ZNF592: variants seen among roughly 807,000 people sequenced by gnomAD.
The protein encoded by ZNF592 is zinc finger protein 592.
ZNF592 carries 11 observed loss-of-function variants against 80.3 expected under a neutral mutation model. The observed-to-expected ratio is 0.14, with a 90% confidence interval of 0.09 to 0.23. The LOEUF (loss-of-function observed/expected upper bound fraction) is 0.23, where lower values mean the gene tolerates loss of function less well. ZNF592 is among the 10% of genes least tolerant of loss of function. The pLI, the probability that ZNF592 is intolerant of heterozygous loss-of-function variation, is 1.00. For synonymous variants in ZNF592, 646 were observed against 640.3 expected (o/e 1.01, Z -0.13); for missense variants, 1,420 against 1,633.9 (o/e 0.87, Z 2.26).
At chr15:84,777,217 C>T (rs1484217774) in intron 2 of ZNF592, among the ~76,000 whole-genome samples, 2 of 151,808 alleles carry the variant, frequency 1.3e-5, no homozygotes, top group Non-Finnish European at 2.9e-5. Context: ...TTGCTCACGC[C>T]TGTAATCCCA....
intron 10 of ZNF592, among the ~76,000 whole-genome samples, chr15:84,801,337 A>G (rs1963090621): frequency 2.0e-5 from 3 of 152,078 alleles, no homozygotes; most frequent in Non-Finnish European, 4.4e-5. Flanking sequence ...ATGAAATGAA[A>G]TAAAATAAAA....
chr15:84,793,296 C>CA (rs1325113175), intron 5 of ZNF592, among the ~76,000 whole-genome samples: 6 of 152,114 alleles, frequency 3.9e-5, no homozygotes, highest in Admixed American at 3.3e-4. Flanking sequence ...AGGCTGGTCT[C>CA]AAACTCCTGA....
intron 2 of ZNF592, among the ~76,000 whole-genome samples, chr15:84,766,827 T>C (rs1193860710): frequency 1.3e-5 from 2 of 151,872 alleles, no homozygotes. Context: ...TGTGGTGATC[T>C]AAGGCAACCA....
At chr15:84,754,704 T>TAA (rs58930648) in intron 1 of ZNF592, among the ~76,000 whole-genome samples, 5 of 133,690 alleles carry the variant, frequency 3.7e-5, no homozygotes, top group Admixed American at 7.6e-5. Context: ...CCCCGTCTCT[T>TAA]AAAAAAAAAA....
chr15:84,802,043 A>C lies in ZNF592; in HGVS notation c.3454A>C (p.Thr1152Pro). 2 of 1,613,866 alleles carry C rather than the reference A, an allele frequency of 1.2e-6. No homozygotes were observed. Among genetic ancestry groups the C allele is most frequent in the Non-Finnish European group, 1.7e-6 (2 of 1,179,854 alleles). Residue 1152 changes from threonine (T) to proline (P), a missense_variant, in exon 11 of 11, where the codon ACA becomes CCA. Thr to Pro is a conservative substitution (Grantham distance 38). Coordinates refer to ENST00000560079, the MANE Select transcript of ZNF592 (RefSeq NM_014630.3). ...ACCTCAGCACCAGGTGGACAGCTCC[A>C]CAGCCCAATGTCTCCTCTGTGGTTT... ...HIPQHQVDSS[T>P]AQCLLCGLCY...
chr15:84,762,484 G>A (rs1394843422), intron 1 of ZNF592, among the ~76,000 whole-genome samples: 1 of 152,206 alleles, frequency 6.6e-6, no homozygotes, highest in Non-Finnish European at 1.5e-5. Context: ...AGGCTGGGGA[G>A]GGTTTAAGGA....
rs10667788 is a variant in ZNF592, at chr15:84,766,706, AGTGTGTGT to A, written c.-150+1918_-150+1925del. Among the ~76,000 whole-genome samples the A allele has an allele frequency of 8.6e-5, 12 of 140,248 alleles. No individual in the cohort carries two copies. In the East Asian group the frequency reaches 1.5e-3, roughly 18 times the overall value. 92.0% of individuals were successfully genotyped at this position (140,248 alleles called of 152,430 possible). A position where few individuals can be genotyped will look rare whatever the true frequency, so the allele number is the denominator to read the frequency against. ...AATAGAGGGAGAGAGGATGAGAAAG[AGTGTGTGT>A]GTGTGTGTGTGTGTGTGTGTGTGTG... On this transcript the variant is annotated intron_variant, in intron 2 of 10. Coordinates refer to ENST00000560079, the MANE Select transcript of ZNF592 (RefSeq NM_014630.3).
At chr15:84,762,073 T>C (rs1227723279) in intron 1 of ZNF592, among the ~76,000 whole-genome samples, 2 of 152,222 alleles carry the variant, frequency 1.3e-5, no homozygotes, top group African/African-American at 2.4e-5. Context: ...GTATGAGTCA[T>C]ATTTTGAGAT....
Position 84,778,212 on chromosome 15 carries a change from G to T in ZNF592, c.-120G>T. The T allele has an allele frequency of 5.7e-6, 1 of 174,622 alleles. No homozygotes were observed. Among genetic ancestry groups the T allele is most frequent in the Non-Finnish European group, 1.2e-5 (1 of 82,018 alleles). The allele number at this position is 174,622 out of a possible 1,614,324, so 10.8% of individuals were successfully genotyped here. A position where few individuals can be genotyped will look rare whatever the true frequency, so the allele number is the denominator to read the frequency against. ...GGAGAGTTTAATAGGCAAGAAGGAA[G>T]GGAGAAGACAGAAGGAAGACGCTCC... is the stretch of plus-strand genomic sequence containing the variant. On this transcript the variant is annotated 5_prime_UTR_variant, in exon 3 of 11. In the 5' UTR this introduces an upstream ATG that the reference lacks. Transcript: ENST00000560079.
intron 1 of ZNF592, among the ~76,000 whole-genome samples, chr15:84,761,169 T>C (rs1467715677): frequency 6.6e-6 from 1 of 152,126 alleles, no homozygotes; most frequent in Non-Finnish European, 1.5e-5. Context: ...TTTCGCCATG[T>C]TGGCCAGGCC....
intron 2 of ZNF592, among the ~76,000 whole-genome samples, 190 bp from the exon 3 acceptor site, chr15:84,777,993 C>T (rs1003868309): frequency 3.9e-5 from 6 of 152,062 alleles, no homozygotes; most frequent in Non-Finnish European, 7.4e-5. Context: ...CCACCGTGCC[C>T]GGCCTAGATA....
chr15:84,774,510 C>G (rs1180377485), intron 2 of ZNF592, among the ~76,000 whole-genome samples: 1 of 152,212 alleles, frequency 6.6e-6, no homozygotes, highest in East Asian at 1.9e-4. Flanking sequence ...AACCACCATT[C>G]TAGGTAATTT....
chr15:84,787,122 G>A (rs534838191), intron 4 of ZNF592, among the ~76,000 whole-genome samples: 20 of 152,222 alleles, frequency 1.3e-4, no homozygotes, highest in African/African-American at 4.6e-4. Flanking sequence ...AAAGTGCTGG[G>A]ATTACAGGCA....
rs1442081218 is a variant in ZNF592, at chr15:84,803,458, G to A, written c.*1065G>A. On this transcript the variant is annotated 3_prime_UTR_variant, in exon 11 of 11. Coordinates refer to ENST00000560079, the MANE Select transcript of ZNF592 (RefSeq NM_014630.3). ...TCTAGATTCTGGAGCTTGTGGTTAG[G>A]AAACCGGGAGCCCTGTACTACTTAG... The A allele has an allele frequency of 6.6e-6, 1 of 152,500 alleles. No homozygotes were observed. The highest frequency in any genetic ancestry group is 1.5e-5 in the Non-Finnish European group (1 of 68,036). 9.4% of individuals were successfully genotyped at this position (152,500 alleles called of 1,614,324 possible).
intron 1 of ZNF592, among the ~76,000 whole-genome samples, chr15:84,752,445 G>A (rs1323293263): frequency 6.6e-6 from 1 of 152,206 alleles, no homozygotes; most frequent in Non-Finnish European, 1.5e-5. Context: ...CAGGGAGGAG[G>A]TGACTTTTGA....
At position 84,805,946 on chromosome 15, in the gene ZNF592, AT is replaced by A. The variant is rs934521222; in HGVS notation, c.*3558del. 17 of 152,590 alleles carry A rather than the reference AT, an allele frequency of 1.1e-4. No homozygotes were observed. Among genetic ancestry groups the A allele is most frequent in the Non-Finnish European group, 2.4e-4 (16 of 68,032 alleles). The allele number at this position is 152,590 out of a possible 1,614,324, so 9.5% of individuals were successfully genotyped here. ...TATAAATATGTATATTTATATATCTATTTTTAATACAAATAGTAGAATTCTA... is the reference window on the plus strand; with the variant it reads ...TATAAATATGTATATTTATATATCTATTTTAATACAAATAGTAGAATTCTA... On this transcript the variant is annotated 3_prime_UTR_variant, in exon 11 of 11. Transcript: ENST00000560079.
At position 84,798,068 on chromosome 15, in the gene ZNF592, C is replaced by T. The variant is rs751903318; in HGVS notation, c.2576+23C>T. On this transcript the variant is annotated intron_variant, in intron 6 of 10. Coordinates refer to ENST00000560079, the MANE Select transcript of ZNF592 (RefSeq NM_014630.3). The surrounding 1 kb of genome is among the most constrained non-coding windows in gnomAD (Gnocchi z 4.5). ...CCAGTGAGTGCAGCTCCAGGGCCAGCAGGCCCTGTGGAGCAGAGAGGAGTA... is the reference window on the plus strand; with the variant it reads ...CCAGTGAGTGCAGCTCCAGGGCCAGTAGGCCCTGTGGAGCAGAGAGGAGTA... 3.7e-6 allele frequency: 6 copies of T among 1,612,616 alleles called. No individual in the cohort carries two copies. The highest frequency in any genetic ancestry group is 4.5e-5 in the East Asian group (2 of 44,890).
intron 2 of ZNF592, among the ~76,000 whole-genome samples, chr15:84,767,426 C>G (rs1441815506): frequency 6.6e-6 from 1 of 152,082 alleles, no homozygotes; most frequent in African/African-American, 2.4e-5. Context: ...TCCCCACTAC[C>G]AAGAGATGAT....
intron 2 of ZNF592, among the ~76,000 whole-genome samples, chr15:84,775,735 A>G (rs74717542): frequency 2.4e-4 from 36 of 152,080 alleles, no homozygotes; most frequent in African/African-American, 8.4e-4. Context: ...CGGCCGAATC[A>G]TATTGTTTTT....
Sources: gnomAD v4.1 joint callset for allele counts (sites outside exome capture counted in the v4.1 genomes callset) on GRCh38, gnomAD v4.1.1 for gene constraint, Gnocchi (gnomAD v3.1) non-coding constraint, MANE v1.5 for transcripts, NCBI Gene and HGNC (gene_info 2026-07-23, HGNC 2026-07-21) for gene names.